FRS2: variants seen among roughly 807,000 people sequenced by gnomAD.
FRS2 encodes FGFR signalling adaptor.
A neutral mutation model predicts 43.9 loss-of-function variants in FRS2; 8 were observed. That is an observed-to-expected ratio of 0.18 (90% CI 0.11 to 0.33). The LOEUF (loss-of-function observed/expected upper bound fraction) is 0.33, where lower values mean the gene tolerates loss of function less well. Among genes scored for constraint, FRS2 ranks in the 10% least tolerant of loss-of-function variants. The pLI is 1.00. For synonymous variants in FRS2, 219 were observed against 220.3 expected (o/e 0.99, Z 0.05); for missense variants, 534 against 627.6 (o/e 0.85, Z 1.59).
intron 3 of FRS2, among the ~76,000 whole-genome samples, chr12:69,550,042 C>T (rs1878737523): frequency 6.6e-6 from 1 of 152,206 alleles, no homozygotes; most frequent in African/African-American, 2.4e-5. Flanking sequence ...AAATCTCTCT[C>T]CCATCTCCAC....
At chr12:69,499,238 G>A (rs541629158) in intron 1 of FRS2, among the ~76,000 whole-genome samples, 2 of 152,290 alleles carry the variant, frequency 1.3e-5, no homozygotes, top group African/African-American at 4.8e-5. Flanking sequence ...TGTGTGTATA[G>A]TGTATTGGAC....
chr12:69,557,762 A>C (rs916825284), intron 3 of FRS2: 3 of 152,030 alleles, frequency 2.0e-5, no homozygotes, highest in African/African-American at 7.3e-5. Flanking sequence ...GCTCCAATTT[A>C]ATTGTCTAAA....
intron 1 of FRS2, among the ~76,000 whole-genome samples, chr12:69,504,633 C>T (rs1873758880): frequency 6.6e-6 from 1 of 152,200 alleles, no homozygotes; most frequent in African/African-American, 2.4e-5. Context: ...TATTTTTTCT[C>T]ATAGATTATT....
chr12:69,470,547 A>G lies in FRS2; in HGVS notation c.-261+17A>G, dbSNP rs1318052952. 2 of 398,222 alleles carry G rather than the reference A, an allele frequency of 5.0e-6. No individual in the cohort carries two copies. Among genetic ancestry groups the G allele is most frequent in the East Asian group, 7.1e-5 (2 of 28,050 alleles). The allele number at this position is 398,222 out of a possible 1,614,324, so 24.7% of individuals were successfully genotyped here. A position where few individuals can be genotyped will look rare whatever the true frequency, so the allele number is the denominator to read the frequency against. Reference sequence around the variant, plus strand: ...GGGCGGACGGTGAGTGGCTAGGGAAACGGACTGGGACGGCCGCGGGCCCGC... The same window carrying G: ...GGGCGGACGGTGAGTGGCTAGGGAAGCGGACTGGGACGGCCGCGGGCCCGC... On this transcript the variant is annotated intron_variant, in intron 1 of 8. Coordinates refer to ENST00000549921, the MANE Select transcript of FRS2 (RefSeq NM_001278356.2).
chr12:69,545,553 C>G (rs1437310637), intron 3 of FRS2, among the ~76,000 whole-genome samples: 1 of 151,914 alleles, frequency 6.6e-6, no homozygotes, highest in Non-Finnish European at 1.5e-5. Context: ...GTCAGGAGTT[C>G]AAGACCAGCC....
chr12:69,541,182 C>T (rs116202474), intron 3 of FRS2, among the ~76,000 whole-genome samples: 1,659 of 152,154 alleles, frequency 0.011, 32 homozygotes, highest in African/African-American at 0.037. Context: ...ATGCATATTT[C>T]CCCGGGAGCA....
intron 1 of FRS2, among the ~76,000 whole-genome samples, chr12:69,491,856 G>T (rs556078952): frequency 7.9e-5 from 12 of 152,192 alleles, no homozygotes; most frequent in African/African-American, 2.9e-4. Context: ...TATTTTGCCC[G>T]TGCAAGTACT....
chr12:69,521,298 T>G (rs1024947966), intron 1 of FRS2, among the ~76,000 whole-genome samples: 3 of 152,216 alleles, frequency 2.0e-5, no homozygotes, highest in African/African-American at 4.8e-5. Context: ...TAGGAGCTTT[T>G]GGGCTGAGAC....
intron 3 of FRS2, among the ~76,000 whole-genome samples, chr12:69,553,934 C>G (rs897752930): frequency 6.6e-6 from 1 of 152,190 alleles, no homozygotes; most frequent in African/African-American, 2.4e-5. Flanking sequence ...GGGGGCTTTT[C>G]AAGACATTCA....
chr12:69,501,864 A>G (rs1425066390), intron 1 of FRS2, among the ~76,000 whole-genome samples: 1 of 152,178 alleles, frequency 6.6e-6, no homozygotes, highest in African/African-American at 2.4e-5. Context: ...TATATTTTCC[A>G]GGTTACAAGC....
chr12:69,477,272 C>CTTTTTTTTTT (rs11300091), intron 1 of FRS2, among the ~76,000 whole-genome samples: 2 of 103,154 alleles, frequency 1.9e-5, no homozygotes, highest in African/African-American at 8.4e-5. Context: ...TTTTAAAATA[C>CTTTTTTTTTT]TTTTTTTTTT....
At chr12:69,527,386 A>G (rs911632388) in intron 1 of FRS2, among the ~76,000 whole-genome samples, 4 of 120,018 alleles carry the variant, frequency 3.3e-5, no homozygotes, top group Admixed American at 1.0e-4. Flanking sequence ...GTCTAGGTAC[A>G]TCGTCCAAGC....
chr12:69,481,307 G>A (rs1481263965), intron 1 of FRS2, among the ~76,000 whole-genome samples: 3 of 144,762 alleles, frequency 2.1e-5, no homozygotes, highest in South Asian at 4.3e-4. Flanking sequence ...TTGAGATAAA[G>A]TCTCTTCCTG....
chr12:69,543,118 T>A (rs905701338), intron 3 of FRS2, among the ~76,000 whole-genome samples: 1 of 152,244 alleles, frequency 6.6e-6, no homozygotes, highest in Non-Finnish European at 1.5e-5. Flanking sequence ...AAAGAAATTT[T>A]GTGATACTGT....
At chr12:69,541,824 CAAAAAAAAAAAA>C in intron 3 of FRS2, among the ~76,000 whole-genome samples, 2 of 90,842 alleles carry the variant, frequency 2.2e-5, no homozygotes, top group South Asian at 7.4e-4. Context: ...GACCCTGTCT[CAAAAAAAAAAAA>C]AAAAAAAAAA....
At chr12:69,482,922 G>C (rs1830609391) in intron 1 of FRS2, among the ~76,000 whole-genome samples, 1 of 152,128 alleles carries the variant, frequency 6.6e-6, no homozygotes. Flanking sequence ...TAGTTGGTAG[G>C]TTAGTGCCTT....
In FRS2 at chr12:69,574,106, C is replaced by A. The variant is rs772848282; in HGVS notation, c.678C>A (p.Ser226Arg). Reference protein sequence around the residue: ...LEARVSNAESSTPKEEPSSIE... With the variant: ...LEARVSNAESRTPKEEPSSIE... ...CGAGGGTTTCTAACGCTGAAAGCAG[C>A]ACACCAAAAGAAGAACCAAGTAGTA... is the stretch of plus-strand genomic sequence containing the variant. Residue 226 changes from serine to arginine, a missense_variant, in exon 9 of 9, where the codon AGC becomes AGA. This residue lies in a region of FRS2 where 446 missense variants were observed against 494.2 expected (regional missense o/e 0.90). Transcript: ENST00000549921. The A allele has an allele frequency of 1.9e-6, 3 of 1,614,022 alleles. No homozygotes were observed. Among genetic ancestry groups the A allele is most frequent in the Non-Finnish European group, 2.5e-6 (3 of 1,179,870 alleles).
intron 3 of FRS2, among the ~76,000 whole-genome samples, chr12:69,557,597 TG>T (rs1565772877): frequency 3.6e-4 from 15 of 41,290 alleles, no homozygotes; most frequent in Middle Eastern, 0.014. Context: ...AGGTTGATTG[TG>T]TGTGTGTGTG....
chr12:69,483,554 CT>C (rs1054939889), intron 1 of FRS2, among the ~76,000 whole-genome samples: 3 of 151,860 alleles, frequency 2.0e-5, no homozygotes, highest in African/African-American at 4.8e-5. Context: ...TTTTTATAGC[CT>C]TTTTCATATA....
Sources: gnomAD v4.1 joint callset for allele counts (sites outside exome capture counted in the v4.1 genomes callset) on GRCh38, gnomAD v4.1.1 for gene constraint, gnomAD v4.1.1 regional missense constraint, MANE v1.5 for transcripts, NCBI Gene and HGNC (gene_info 2026-07-23, HGNC 2026-07-21) for gene names.